The following TMEM117 variants were observed in gnomAD, a reference collection of about 807,000 sequenced individuals.
The protein encoded by TMEM117 is transmembrane protein 117.
TMEM117 carries 27 observed loss-of-function variants against 52.4 expected under a neutral mutation model. The ratio of observed to expected loss-of-function variants is 0.51; its 90% CI spans 0.38 to 0.71. TMEM117 has a LOEUF of 0.71. TMEM117 is among the 30% of genes least tolerant of loss of function. TMEM117 has a pLI of 0.00. For missense variants in TMEM117, 556 were observed against 630.5 expected, an observed-to-expected ratio of 0.88 and a Z score of 1.26; for synonymous variants, 215 against 206.3, an observed-to-expected ratio of 1.04 and a Z score of -0.36.
chr12:43,983,679 AGG>A (rs1240102904), intron 3 of TMEM117, among the ~76,000 whole-genome samples: 2 of 151,346 alleles, frequency 1.3e-5, no homozygotes, highest in African/African-American at 4.9e-5. Flanking sequence ...TGTGAACAGG[AGG>A]GAATTAATCT....
chr12:44,107,911 T>A (rs1374403394), intron 3 of TMEM117, among the ~76,000 whole-genome samples: 1 of 152,204 alleles, frequency 6.6e-6, no homozygotes, highest in Non-Finnish European at 1.5e-5. Flanking sequence ...TGTCCTGCAC[T>A]GAACCAATTG....
intron 2 of TMEM117, among the ~76,000 whole-genome samples, chr12:43,901,224 T>C (rs1397942329): frequency 6.6e-6 from 1 of 152,258 alleles, no homozygotes; most frequent in Admixed American, 6.5e-5. Context: ...ATGTTTCTGC[T>C]AGTAGCATAT....
At chr12:44,349,685 A>T (rs752928151) in intron 6 of TMEM117, among the ~76,000 whole-genome samples, 1 of 152,064 alleles carries the variant, frequency 6.6e-6, no homozygotes, top group Non-Finnish European at 1.5e-5. Context: ...CTGAGGGCTT[A>T]ACCTGTCAAC....
intron 6 of TMEM117, among the ~76,000 whole-genome samples, chr12:44,309,929 G>A (rs184849371): frequency 3.9e-5 from 6 of 152,200 alleles, no homozygotes; most frequent in Admixed American, 2.0e-4. Flanking sequence ...AGTGAATGAC[G>A]GGAACACTCT....
chr12:44,345,412 T>TG (rs1951472208), intron 6 of TMEM117, among the ~76,000 whole-genome samples: 2 of 152,120 alleles, frequency 1.3e-5, no homozygotes, highest in African/African-American at 4.8e-5. Context: ...ACTGTATAGA[T>TG]GGGGGAGACC....
chr12:43,875,409 T>C (rs1375813029), intron 2 of TMEM117, among the ~76,000 whole-genome samples: 1 of 152,178 alleles, frequency 6.6e-6, no homozygotes, highest in Non-Finnish European at 1.5e-5. Context: ...TTACATGATA[T>C]ATTTTTATTT....
At chr12:44,050,437 A>G (rs897676809) in intron 3 of TMEM117, among the ~76,000 whole-genome samples, 3 of 152,174 alleles carry the variant, frequency 2.0e-5, no homozygotes, top group African/African-American at 7.2e-5. Context: ...TCAGCCTCCC[A>G]AAGTGCTGGG....
chr12:44,258,973 C>A (rs1203879304), intron 5 of TMEM117, among the ~76,000 whole-genome samples: 1 of 152,088 alleles, frequency 6.6e-6, no homozygotes, highest in Non-Finnish European at 1.5e-5. Flanking sequence ...TATAAAATAT[C>A]AAATTCATAA....
At position 44,282,094 on chromosome 12, in the gene TMEM117, T is replaced by C. The variant is rs375804111; in HGVS notation, c.609-17486T>C. Among the ~76,000 whole-genome samples the C allele has an allele frequency of 3.3e-5, 5 of 152,156 alleles. No homozygotes were observed. In the East Asian group the frequency reaches 7.7e-4, roughly 24 times the overall value. ...ATGGGTTTATCAGGGGTTTCCACTT[T>C]TGCTTCTTTCTCATTTTTCTCTTGT... On this transcript the variant is annotated intron_variant, in intron 5 of 7. Coordinates refer to ENST00000266534, the MANE Select transcript of TMEM117 (RefSeq NM_032256.3).
intron 4 of TMEM117, among the ~76,000 whole-genome samples, chr12:44,185,035 C>T (rs1949258254): frequency 6.6e-6 from 1 of 152,174 alleles, no homozygotes; most frequent in South Asian, 2.1e-4. Context: ...CAGGAAGCTT[C>T]CCTCAATAGG....
intron 3 of TMEM117, among the ~76,000 whole-genome samples, chr12:44,018,781 G>A (rs1374347901): frequency 2.7e-5 from 4 of 148,840 alleles, no homozygotes; most frequent in Admixed American, 6.7e-5. Context: ...GTGCAGTGGC[G>A]CAATCTTGGC....
chr12:43,832,169 C>A (rs1395332518), upstream of TMEM117, among the ~76,000 whole-genome samples: 1 of 152,182 alleles, frequency 6.6e-6, no homozygotes, highest in Non-Finnish European at 1.5e-5. Context: ...AAAATCATTG[C>A]TGGCCAACAC....
At chr12:44,175,838 A>T (rs575826189) in intron 4 of TMEM117, among the ~76,000 whole-genome samples, 2 of 152,212 alleles carry the variant, frequency 1.3e-5, no homozygotes, top group African/African-American at 4.8e-5. Context: ...AAAGTCAGGT[A>T]TACAAAATCC....
chr12:44,031,134 G>A (rs1371986154), intron 3 of TMEM117, among the ~76,000 whole-genome samples: 1 of 152,184 alleles, frequency 6.6e-6, no homozygotes, highest in African/African-American at 2.4e-5. Flanking sequence ...TAAAAATCAT[G>A]CAGGTAGCAT....
At chr12:43,897,450 T>A (rs1944225129) in intron 2 of TMEM117, among the ~76,000 whole-genome samples, 1 of 151,192 alleles carries the variant, frequency 6.6e-6, no homozygotes, top group Non-Finnish European at 1.5e-5. Context: ...TAGCTGGGAC[T>A]ACAGGCATGC....
chr12:43,909,435 G>T (rs1221637113), intron 2 of TMEM117, among the ~76,000 whole-genome samples: 1 of 103,688 alleles, frequency 9.6e-6, no homozygotes, highest in Non-Finnish European at 2.2e-5. Flanking sequence ...ACAATTAAAA[G>T]AACTAGAAAA....
In TMEM117 at chr12:43,863,412, G is replaced by A. The variant is rs551307851; in HGVS notation, c.277+18484G>A. Among the ~76,000 whole-genome samples, 42 of 152,322 alleles carry A rather than the reference G, an allele frequency of 2.8e-4. 1 individual carries two copies. In the South Asian group the frequency reaches 8.5e-3, roughly 31 times the overall value. Reference sequence around the variant, plus strand: ...ATAAGCCATCATAGAGTTTTCAGCAGAACATGGATATGATCTGAATTAGAT... The same window carrying A: ...ATAAGCCATCATAGAGTTTTCAGCAAAACATGGATATGATCTGAATTAGAT... On this transcript the variant is annotated intron_variant, in intron 2 of 7. Transcript: ENST00000266534.
At chr12:44,181,391 C>G (rs527884459) in intron 4 of TMEM117, among the ~76,000 whole-genome samples, 11,033 of 152,042 alleles carry the variant, frequency 0.073, 563 homozygotes, top group Middle Eastern at 0.16. Flanking sequence ...TCTTCTGTTG[C>G]CATTGCTTTT....
At chr12:43,883,522 A>G (rs1010579438) in intron 2 of TMEM117, among the ~76,000 whole-genome samples, 3 of 152,238 alleles carry the variant, frequency 2.0e-5, no homozygotes, top group Non-Finnish European at 4.4e-5. Flanking sequence ...TCCAGCTATC[A>G]GCTAAATAAA....
Sources: gnomAD v4.1 joint callset for allele counts (sites outside exome capture counted in the v4.1 genomes callset) on GRCh38, gnomAD v4.1.1 for gene constraint, MANE v1.5 for transcripts, NCBI Gene and HGNC (gene_info 2026-07-23, HGNC 2026-07-21) for gene names.